Variants in YAP1 observed in about 807,000 individuals in gnomAD.
The protein encoded by YAP1 is Yes1 associated transcriptional regulator.
A neutral mutation model predicts 56.9 loss-of-function variants in YAP1; 5 were observed. That is an observed-to-expected ratio of 0.09 (90% CI 0.05 to 0.18). YAP1 has a LOEUF of 0.18. YAP1 is among the 10% of genes least tolerant of loss of function. YAP1 has a pLI of 1.00. For synonymous variants in YAP1, 265 were observed against 248.1 expected, an observed-to-expected ratio of 1.07 and a Z score of -0.64; for missense variants, 539 against 651.8, an observed-to-expected ratio of 0.83 and a Z score of 1.88.
chr11:102,146,827 A>T (rs1945348498), intron 2 of YAP1, among the ~76,000 whole-genome samples: 1 of 152,138 alleles, frequency 6.6e-6, no homozygotes, highest in Non-Finnish European at 1.5e-5. Context: ...CCATATCTCT[A>T]ATTCCTCTTC....
intron 6 of YAP1, among the ~76,000 whole-genome samples, chr11:102,216,534 A>G (rs1323079563): frequency 6.6e-6 from 1 of 152,222 alleles, no homozygotes; most frequent in Non-Finnish European, 1.5e-5. Context: ...GTGAATATCA[A>G]CATTATTTCA....
intron 2 of YAP1, among the ~76,000 whole-genome samples, chr11:102,121,268 T>A (rs957735096): frequency 6.6e-6 from 1 of 151,876 alleles, no homozygotes; most frequent in Non-Finnish European, 1.5e-5. Flanking sequence ...CAAGATCTCA[T>A]CTCTATTAAA....
chr11:102,212,630 G>T (rs1402516091), intron 6 of YAP1, among the ~76,000 whole-genome samples: 1 of 151,862 alleles, frequency 6.6e-6, no homozygotes, highest in Non-Finnish European at 1.5e-5. Flanking sequence ...TGTCGCCCAG[G>T]TTGGAGTGCA....
chr11:102,187,001 G>A (rs1947999257), intron 4 of YAP1, among the ~76,000 whole-genome samples: 1 of 152,092 alleles, frequency 6.6e-6, no homozygotes, highest in Admixed American at 6.6e-5. Context: ...CACTGAATAG[G>A]TCAGACTGAG....
intron 4 of YAP1, chr11:102,186,700 C>CAT (rs1004522096): frequency 2.0e-5 from 3 of 153,548 alleles, no homozygotes; most frequent in African/African-American, 7.3e-5. Flanking sequence ...CAAAGAAAGC[C>CAT]ATATTCCCCT....
intron 2 of YAP1, among the ~76,000 whole-genome samples, chr11:102,155,450 T>A (rs1449138846): frequency 1.3e-5 from 2 of 152,206 alleles, no homozygotes; most frequent in Non-Finnish European, 2.9e-5. Context: ...TCTTTGTAGA[T>A]GATTGAAGAC....
At chr11:102,154,294 A>G (rs1945824968) in intron 2 of YAP1, among the ~76,000 whole-genome samples, 2 of 152,178 alleles carry the variant, frequency 1.3e-5, no homozygotes, top group South Asian at 4.1e-4. Context: ...ATTATACCAC[A>G]ACTGTGTTCT....
chr11:102,152,801 G>A (rs868847868), intron 2 of YAP1, among the ~76,000 whole-genome samples: 8 of 152,296 alleles, frequency 5.3e-5, no homozygotes, highest in South Asian at 2.1e-4. Flanking sequence ...CTGTCCTTGG[G>A]TAATTAAAGG....
intron 2 of YAP1, among the ~76,000 whole-genome samples, chr11:102,124,327 A>G (rs1943898128): frequency 6.6e-6 from 1 of 151,990 alleles, no homozygotes; most frequent in Non-Finnish European, 1.5e-5. Flanking sequence ...TTTGTTCTTT[A>G]TATTGGGGGT....
At chr11:102,184,629 C>G (rs564284257) in intron 3 of YAP1, among the ~76,000 whole-genome samples, 71 of 152,276 alleles carry the variant, frequency 4.7e-4, no homozygotes, top group African/African-American at 1.6e-3. Flanking sequence ...TGAAACTGGC[C>G]TAAAAATAGG....
At position 102,121,670 on chromosome 11, in the gene YAP1, A is replaced by G. The variant is rs117094587; in HGVS notation, c.572+7276A>G. ...AGACTGTAGTATATATATAGGATAT[A>G]GGGTTGGGTACTATCTGCTGTTTCA... is the stretch of plus-strand genomic sequence containing the variant. On this transcript the variant is annotated intron_variant, in intron 2 of 8. Coordinates refer to ENST00000282441, the MANE Select transcript of YAP1 (RefSeq NM_001130145.3). Among the ~76,000 whole-genome samples the G allele has an allele frequency of 3.4e-4, 52 of 152,318 alleles. No individual in the cohort carries two copies. In the East Asian group the frequency reaches 7.9e-3, roughly 23 times the overall value.
intron 3 of YAP1, among the ~76,000 whole-genome samples, chr11:102,184,699 A>C (rs1947853388): frequency 6.6e-6 from 1 of 152,226 alleles, no homozygotes; most frequent in Admixed American, 6.5e-5. Context: ...CTTATTCAGC[A>C]TCACCCATGA....
rs58634008 is a variant in YAP1, at chr11:102,186,739, A to G, written c.802+608A>G. On this transcript the variant is annotated intron_variant, in intron 4 of 8. Coordinates refer to ENST00000282441, the MANE Select transcript of YAP1 (RefSeq NM_001130145.3). ...GATCTCATGAATAAATCACATTTGC[A>G]CAAAGGAACCCCTCCCCTTCCAAAT... The G allele has an allele frequency of 7.0e-3, 1,068 of 152,932 alleles. 25 individuals are homozygous for G. The highest frequency in any genetic ancestry group is 0.043 in the East Asian group (226 of 5,196). 9.5% of individuals were successfully genotyped at this position (152,932 alleles called of 1,614,324 possible).
chr11:102,122,445 G>A (rs1273278992), intron 2 of YAP1, among the ~76,000 whole-genome samples: 1 of 151,534 alleles, frequency 6.6e-6, no homozygotes, highest in African/African-American at 2.4e-5. Context: ...AAGAAGGAAA[G>A]AAAACGGAAG....
At position 102,229,419 on chromosome 11, in the gene YAP1, A is replaced by G. The variant is rs563242852; in HGVS notation, c.1277-283A>G. 5.9e-5 allele frequency among the ~76,000 whole-genome samples: 9 copies of G among 152,228 alleles called. No individual in the cohort carries two copies. In the South Asian group the frequency reaches 1.7e-3, roughly 28 times the overall value. On this transcript the variant is annotated intron_variant, in intron 8 of 8. Transcript: ENST00000282441. ...TGTTCTTTCTCCCGCTGCTGCATAT[A>G]ATTTTTCAAGGGCTTTTTTATTTTT...
chr11:102,154,840 G>A (rs1185328408), intron 2 of YAP1, among the ~76,000 whole-genome samples: 3 of 152,124 alleles, frequency 2.0e-5, no homozygotes, highest in Non-Finnish European at 4.4e-5. Flanking sequence ...CCATAAATAC[G>A]CAATGGATAT....
chr11:102,161,354 A>G (rs1946275351), intron 2 of YAP1, among the ~76,000 whole-genome samples: 1 of 144,158 alleles, frequency 6.9e-6, no homozygotes, highest in African/African-American at 2.6e-5. Context: ...CTACACACAC[A>G]CACACACACA....
chr11:102,210,819 C>T lies in YAP1; in HGVS notation c.1032+1255C>T, dbSNP rs559154502. ...CGAGGCTGGAGTGCAGTGGTGTGAT[C>T]TCGGCTCACTGCAAGCTCCGCCTTC... On this transcript the variant is annotated intron_variant, in intron 6 of 8. Coordinates refer to ENST00000282441, the MANE Select transcript of YAP1 (RefSeq NM_001130145.3). Among the ~76,000 whole-genome samples, 5 of 151,674 alleles carry T rather than the reference C, an allele frequency of 3.3e-5. No homozygotes were observed. The South Asian group carries it at 8.4e-4, about 25-fold the overall frequency.
intron 2 of YAP1, among the ~76,000 whole-genome samples, chr11:102,123,521 T>TTCAA (rs1231319728): frequency 6.6e-6 from 1 of 152,170 alleles, no homozygotes; most frequent in East Asian, 1.9e-4. Flanking sequence ...TGTGTTGAGA[T>TTCAA]CTCTTGTCTC....
Sources: gnomAD v4.1 joint callset for allele counts (sites outside exome capture counted in the v4.1 genomes callset) on GRCh38, gnomAD v4.1.1 for gene constraint, MANE v1.5 for transcripts, NCBI Gene and HGNC (gene_info 2026-07-23, HGNC 2026-07-21) for gene names.